Variants in TP53BP2 observed in about 807,000 individuals in gnomAD.
TP53BP2 encodes apoptosis-stimulating of p53 protein 2.
A neutral mutation model predicts 126.2 loss-of-function variants in TP53BP2; 62 were observed. The ratio of observed to expected loss-of-function variants is 0.49; its 90% CI spans 0.40 to 0.61. The LOEUF (loss-of-function observed/expected upper bound fraction) is 0.61, where lower values mean the gene tolerates loss of function less well. Among genes scored for constraint, TP53BP2 ranks in the 20% least tolerant of loss-of-function variants. TP53BP2 has a pLI of 0.00. For synonymous variants in TP53BP2, 485 were observed against 502.9 expected, an observed-to-expected ratio of 0.96 and a Z score of 0.48; for missense variants, 1,215 against 1,402.8, an observed-to-expected ratio of 0.87 and a Z score of 2.14.
In TP53BP2 at chr1:223,793,493, A is replaced by G. The variant is rs572503982; in HGVS notation, c.2725-53T>C. 1.9e-4 allele frequency: 277 copies of G among 1,442,082 alleles called. 1 individual carries two copies. Among genetic ancestry groups the G allele is most frequent in the Middle Eastern group, 1.5e-3 (8 of 5,424 alleles). The allele number at this position is 1,442,082 out of a possible 1,614,324, so 89.3% of individuals were successfully genotyped here. A position where few individuals can be genotyped will look rare whatever the true frequency, so the allele number is the denominator to read the frequency against. On this transcript the variant is annotated intron_variant, in intron 13 of 17. Coordinates refer to ENST00000343537, the MANE Select transcript of TP53BP2 (RefSeq NM_001031685.3). ...GGATCCTCGTCTATGCAAGAGAACA[A>G]CAGCAGCAAATGGGAAGGAATGACT...
intron 16 of TP53BP2, among the ~76,000 whole-genome samples, chr1:223,786,220 A>G (rs1391703939): frequency 6.6e-6 from 1 of 152,210 alleles, no homozygotes; most frequent in Admixed American, 6.5e-5. Context: ...GGACTCATAT[A>G]CAAATGATGT....
chr1:223,792,452 G>A lies in TP53BP2; in HGVS notation c.2933C>T (p.Thr978Ile). The change falls in exon 15 of 18, where the codon ACA becomes ATA. Residue 978 changes from threonine to isoleucine, a missense_variant. Transcript: ENST00000343537. The stretch of plus-strand genomic sequence containing the variant: ...CTGTACCAGGAACTTAACGATTTCT[G>A]TGTGGCCTGCACACACAGCATTGTG... ...ALHNAVCAGHTEIVKFLVQFG... is the reference protein window; with the variant it reads ...ALHNAVCAGHIEIVKFLVQFG... 1 of 1,613,876 alleles carries A rather than the reference G, an allele frequency of 6.2e-7. No individual in the cohort carries two copies. The highest frequency in any genetic ancestry group is 1.1e-5 in the South Asian group (1 of 91,036).
chr1:223,780,555 A>C lies in TP53BP2; in HGVS notation c.*298T>G. Reference sequence around the variant, plus strand: ...AACTGCCCAATAAATGATCCTATTTACTAGACAGGATTCTTGTAGAAAACA... The same window carrying C: ...AACTGCCCAATAAATGATCCTATTTCCTAGACAGGATTCTTGTAGAAAACA... On this transcript the variant is annotated 3_prime_UTR_variant, in exon 18 of 18. Coordinates refer to ENST00000343537, the MANE Select transcript of TP53BP2 (RefSeq NM_001031685.3). The C allele has an allele frequency of 3.4e-6, 1 of 296,894 alleles. No individual in the cohort carries two copies. The highest frequency in any genetic ancestry group is 6.3e-6 in the Non-Finnish European group (1 of 159,838). The allele number at this position is 296,894 out of a possible 1,614,324, so 18.4% of individuals were successfully genotyped here.
At chr1:223,834,007 C>G (rs1429971506) in intron 1 of TP53BP2, among the ~76,000 whole-genome samples, 4 of 152,232 alleles carry the variant, frequency 2.6e-5, no homozygotes, top group African/African-American at 9.6e-5. Flanking sequence ...GAAGCCACAG[C>G]CACTTGAAAC....
At chr1:223,807,020 G>T (rs1662747097) in intron 4 of TP53BP2, 73 bp from the exon 5 acceptor site, 1 of 1,189,220 alleles carries the variant, frequency 8.4e-7, no homozygotes, top group South Asian at 1.3e-5. Flanking sequence ...GCCCTCAAAG[G>T]TCTATGTAAA....
At position 223,796,580 on chromosome 1, in the gene TP53BP2, C is replaced by T. The variant is rs747406859; in HGVS notation, c.1959G>A (p.Lys653=). 5.6e-6 allele frequency: 9 copies of T among 1,601,176 alleles called. No individual in the cohort carries two copies. The Admixed American group carries it at 1.4e-4, about 25-fold the overall frequency. Residue 653 remains lysine, a synonymous_variant, in exon 13 of 18, where the codon AAG becomes AAA. Coordinates refer to ENST00000343537, the MANE Select transcript of TP53BP2 (RefSeq NM_001031685.3). The surrounding 1 kb of genome is among the most constrained non-coding windows in gnomAD (Gnocchi z 4.2). The stretch of plus-strand genomic sequence containing the variant: ...GATTCTGGGCAGCAGCAATTACAGG[C>T]TTACCATATACTAATTGGAAAAGGA... ...RGPHFSSVYG[K]PVIAAAQNQQ...
Position 223,795,813 on chromosome 1 carries a change from A to T in TP53BP2, c.2724+2T>A. ...AAGGCTATGAGATAGTACATTACTTACAGGAGGCAGAGAGACCTGCCCGGT... is the reference window on the plus strand; with the variant it reads ...AAGGCTATGAGATAGTACATTACTTTCAGGAGGCAGAGAGACCTGCCCGGT... On this transcript the variant is annotated splice_donor_variant, in intron 13 of 17. Coordinates refer to ENST00000343537, the MANE Select transcript of TP53BP2 (RefSeq NM_001031685.3). LOFTEE classifies it high-confidence loss of function. 1 of 1,525,798 alleles carries T rather than the reference A, an allele frequency of 6.6e-7. No individual in the cohort carries two copies. The highest frequency in any genetic ancestry group is 8.8e-7 in the Non-Finnish European group (1 of 1,138,468). The allele number at this position is 1,525,798 out of a possible 1,614,324, so 94.5% of individuals were successfully genotyped here.
At chr1:223,810,810 TCTGA>T (rs906558635) in intron 3 of TP53BP2, among the ~76,000 whole-genome samples, 2 of 152,224 alleles carry the variant, frequency 1.3e-5, no homozygotes, top group African/African-American at 4.8e-5. Flanking sequence ...GTAATGTACT[TCTGA>T]CTATGAGTAA....
chr1:223,812,760 A>G (rs1462713322), intron 3 of TP53BP2, among the ~76,000 whole-genome samples: 1 of 151,962 alleles, frequency 6.6e-6, no homozygotes, highest in Non-Finnish European at 1.5e-5. Context: ...GGGTTTCACC[A>G]TGTTGGCCAG....
Position 223,802,554 on chromosome 1 carries a change from G to T in TP53BP2, c.996+177C>A. 4 of 885,408 alleles carry T rather than the reference G, an allele frequency of 4.5e-6. No individual in the cohort carries two copies. In the East Asian group the frequency reaches 7.7e-5, roughly 17 times the overall value. The allele number at this position is 885,408 out of a possible 1,614,324, so 54.8% of individuals were successfully genotyped here. ...TATTAGAGACAAACAGAGCTACACA[G>T]GTAATAACATTAAAAAGTAAAAAAG... On this transcript the variant is annotated intron_variant, in intron 8 of 17. Coordinates refer to ENST00000343537, the MANE Select transcript of TP53BP2 (RefSeq NM_001031685.3).
intron 1 of TP53BP2, 117 bp downstream of exon 1, chr1:223,845,537 C>A: frequency 1.7e-6 from 2 of 1,179,334 alleles, no homozygotes; most frequent in African/African-American, 3.3e-5. Context: ...CCCGGCCCCT[C>A]CGCGCGGGCT....
intron 4 of TP53BP2, among the ~76,000 whole-genome samples, chr1:223,807,376 G>A (rs1175120650): frequency 2.0e-5 from 3 of 152,048 alleles, no homozygotes; most frequent in Admixed American, 6.5e-5. Context: ...AAAAATTCAA[G>A]ACACATTGAG....
chr1:223,793,630 T>G (rs1394589793), intron 13 of TP53BP2, among the ~76,000 whole-genome samples, 190 bp from the exon 14 acceptor site: 1 of 152,224 alleles, frequency 6.6e-6, no homozygotes, highest in African/African-American at 2.4e-5. Context: ...TAATGAACTT[T>G]CACAAAGTGA....
chr1:223,829,845 G>A (rs566029230), intron 1 of TP53BP2, among the ~76,000 whole-genome samples: 5 of 152,018 alleles, frequency 3.3e-5, no homozygotes, highest in African/African-American at 1.2e-4. Context: ...ACAGAGTACA[G>A]TTTTTCTTCC....
chr1:223,795,263 T>C (rs184363351), intron 13 of TP53BP2, among the ~76,000 whole-genome samples: 2 of 152,350 alleles, frequency 1.3e-5, no homozygotes, highest in African/African-American at 4.8e-5. Context: ...TCAGACTTCG[T>C]TGAAGGGGAG....
intron 2 of TP53BP2, among the ~76,000 whole-genome samples, chr1:223,819,983 A>C (rs1384880297): frequency 2.6e-5 from 4 of 152,290 alleles, no homozygotes; most frequent in South Asian, 2.1e-4. Flanking sequence ...AACACACACA[A>C]AGAGTGACGG....
At chr1:223,802,572 TA>T in intron 8 of TP53BP2, 158 bp downstream of exon 8, 1 of 1,005,200 alleles carries the variant, frequency 9.9e-7, no homozygotes, top group Non-Finnish European at 1.5e-6. Context: ...CATTAAAAAG[TA>T]AAAAAGCAGC....
intron 1 of TP53BP2, among the ~76,000 whole-genome samples, chr1:223,843,969 A>G (rs891693980): frequency 4.6e-5 from 7 of 152,210 alleles, no homozygotes; most frequent in East Asian, 1.9e-4. Context: ...CAAGCTAGAC[A>G]CTGTACTAAT....
At chr1:223,793,500 C>T in intron 13 of TP53BP2, 60 bp from the exon 14 acceptor site, 1 of 1,426,970 alleles carries the variant, frequency 7.0e-7, no homozygotes. Context: ...ACAACAGCAG[C>T]AAATGGGAAG....
Sources: gnomAD v4.1 joint callset for allele counts (sites outside exome capture counted in the v4.1 genomes callset) on GRCh38, gnomAD v4.1.1 for gene constraint, Gnocchi (gnomAD v3.1) non-coding constraint, MANE v1.5 for transcripts, NCBI Gene and HGNC (gene_info 2026-07-23, HGNC 2026-07-21) for gene names.